DOCK4: variants seen among roughly 807,000 people sequenced by gnomAD.
DOCK4 encodes dedicator of cytokinesis 4, also known as dedicator of cytokinesis protein 4.
In DOCK4, 97 loss-of-function variants were observed where a neutral mutation model predicts 268.1. The observed-to-expected ratio is 0.36, with a 90% CI of 0.31 to 0.43. The LOEUF is 0.43. DOCK4 is among the 20% of genes least tolerant of loss of function. DOCK4 has a pLI of 1.00. For synonymous variants in DOCK4, 954 were observed against 887.2 expected, an observed-to-expected ratio of 1.08 and a Z score of -1.34; for missense variants, 2,145 against 2,455.7, an observed-to-expected ratio of 0.87 and a Z score of 2.67.
chr7:112,002,442 A>G (rs1800503501), intron 2 of DOCK4, among the ~76,000 whole-genome samples: 1 of 152,208 alleles, frequency 6.6e-6, no homozygotes, highest in Non-Finnish European at 1.5e-5. Context: ...AATAAATTTT[A>G]TATTTATCTG....
chr7:111,791,756 A>G (rs936994587), intron 30 of DOCK4, among the ~76,000 whole-genome samples: 2 of 151,838 alleles, frequency 1.3e-5, no homozygotes, highest in Admixed American at 1.3e-4. Context: ...CCTGTTTTTT[A>G]AAAAATAGAG....
At chr7:111,843,778 C>T (rs1316330794) in intron 25 of DOCK4, among the ~76,000 whole-genome samples, 1 of 152,072 alleles carries the variant, frequency 6.6e-6, no homozygotes. Flanking sequence ...ATATTAGACT[C>T]AAAATGCTTC....
rs781144384 is a variant in DOCK4, at chr7:111,760,269, T to C, written c.4074A>G (p.Gln1358=). 8.1e-6 allele frequency: 13 copies of C among 1,613,860 alleles called. No homozygotes were observed. The Admixed American group carries it at 1.5e-4, about 19-fold the overall frequency. ...GHDYERLEAF[Q]QRMLNEFPHA... The stretch of plus-strand genomic sequence containing the variant: ...GGGGGAACTCGTTCAGCATTCTCTG[T>C]TGGAAGGCTTCCAGCCTCTCGTAGT... Residue 1358 remains glutamine (Q), a synonymous_variant, in exon 40 of 53, where the codon CAA becomes CAG. Coordinates refer to ENST00000428084, the MANE Select transcript of DOCK4 (RefSeq NM_001363540.2).
chr7:111,898,289 T>C (rs952183964), intron 15 of DOCK4, among the ~76,000 whole-genome samples: 14 of 152,228 alleles, frequency 9.2e-5, no homozygotes, highest in African/African-American at 3.4e-4. Flanking sequence ...GGAATCTTCT[T>C]TCCCCAGACA....
intron 1 of DOCK4, among the ~76,000 whole-genome samples, chr7:112,029,897 T>C (rs1803128724): frequency 6.6e-6 from 1 of 152,312 alleles, no homozygotes; most frequent in East Asian, 1.9e-4. Context: ...TTCATGACAA[T>C]TAAATAGCTA....
intron 52 of DOCK4, among the ~76,000 whole-genome samples, chr7:111,728,974 C>T (rs3779458): frequency 0.053 from 8,067 of 152,208 alleles, 284 homozygotes; most frequent in African/African-American, 0.091. Flanking sequence ...ACACACAGAC[C>T]TTGCAGGAAG....
At chr7:111,832,752 T>G (rs1449560045) in intron 26 of DOCK4, among the ~76,000 whole-genome samples, 1 of 152,206 alleles carries the variant, frequency 6.6e-6, no homozygotes, top group African/African-American at 2.4e-5. Flanking sequence ...GGCCTTGATC[T>G]CAGGTGATCC....
At chr7:111,974,376 G>C (rs910280617) in intron 8 of DOCK4, among the ~76,000 whole-genome samples, 1 of 152,012 alleles carries the variant, frequency 6.6e-6, no homozygotes, top group Non-Finnish European at 1.5e-5. Flanking sequence ...TATGGTGATT[G>C]TGAGTTTGAG....
intron 23 of DOCK4, among the ~76,000 whole-genome samples, chr7:111,859,956 T>A (rs908157515): frequency 1.3e-5 from 2 of 152,188 alleles, no homozygotes; most frequent in Non-Finnish European, 2.9e-5. Flanking sequence ...CCTCTTTTAT[T>A]ATAGATCTTT....
chr7:111,762,747 A>ATTTTT (rs1554584596), intron 39 of DOCK4, among the ~76,000 whole-genome samples: 1 of 78,784 alleles, frequency 1.3e-5, no homozygotes, highest in Non-Finnish European at 2.7e-5. Context: ...TAAATAACCC[A>ATTTTT]TTTTGTTTTG....
At chr7:111,808,001 A>G (rs1800808087) in intron 30 of DOCK4, 1 of 152,166 alleles carries the variant, frequency 6.6e-6, no homozygotes, top group Non-Finnish European at 1.5e-5. Flanking sequence ...CAGAAAATAA[A>G]TCCTTCCAAT....
At position 111,809,311 on chromosome 7, in the gene DOCK4, C is replaced by T; in HGVS notation, c.3097G>A (p.Val1033Met). ...EMFTPSKKKK[V>M]LEKYGDMRVT... is the part of the protein sequence containing the mutation. ...TACACTGATACTTACTTTTCTAACA[C>T]CTTTTTCTTCTTGGAAGGTGTGAAC... The change falls in exon 29 of 53, where the codon GTG (valine) becomes ATG (methionine). Residue 1033 changes from valine (V) to methionine (M), a missense_variant. This residue lies in a region of DOCK4 where 1,598 missense variants were observed against 1,986.7 expected (regional missense o/e 0.80). Transcript: ENST00000428084. 9 of 1,557,352 alleles carry T rather than the reference C, an allele frequency of 5.8e-6. No homozygotes were observed. Among genetic ancestry groups the T allele is most frequent in the Non-Finnish European group, 7.8e-6 (9 of 1,149,062 alleles).
At chr7:111,867,903 C>A in intron 22 of DOCK4, 81 bp downstream of exon 22, 2 of 1,273,690 alleles carry the variant, frequency 1.6e-6, no homozygotes, top group Non-Finnish European at 2.0e-6. Flanking sequence ...ATGGAGAAAA[C>A]ATTTGATTAC....
rs1806955646 is a variant in DOCK4, at chr7:111,877,098, G to A, written c.1676C>T (p.Ala559Val). ...KGIFLGNNNQ[A>V]MKATKESFCI... ...AAAGGACTCCTTTGTGGCCTTCATG[G>A]CTTGATTATTATTCCCAAGGAAAAT... The change falls in exon 17 of 53, where the codon GCC becomes GTC. Residue 559 changes from alanine (A) to valine (V), a missense_variant. Ala to Val is a moderately conservative substitution (Grantham distance 64). This residue lies in a region of DOCK4 where 1,598 missense variants were observed against 1,986.7 expected (regional missense o/e 0.80). Transcript: ENST00000428084. The A allele has an allele frequency of 6.3e-7, 1 of 1,592,986 alleles. No homozygotes were observed. The highest frequency in any genetic ancestry group is 8.5e-7 in the Non-Finnish European group (1 of 1,170,546).
intron 1 of DOCK4, among the ~76,000 whole-genome samples, chr7:112,137,881 T>A (rs745418964): frequency 6.6e-6 from 1 of 152,192 alleles, no homozygotes; most frequent in Non-Finnish European, 1.5e-5. Context: ...AATACTTGCT[T>A]CATAGGCTTT....
intron 1 of DOCK4, among the ~76,000 whole-genome samples, chr7:112,122,806 A>G (rs1812862791): frequency 6.6e-6 from 1 of 152,152 alleles, no homozygotes; most frequent in Non-Finnish European, 1.5e-5. Context: ...AAGTTGAAAC[A>G]TTGTTTTTAT....
intron 24 of DOCK4, among the ~76,000 whole-genome samples, chr7:111,845,695 C>T (rs1381041758): frequency 1.3e-5 from 2 of 152,138 alleles, no homozygotes; most frequent in East Asian, 3.9e-4. Flanking sequence ...TTTTCTTACA[C>T]TTGCAAGAAA....
intron 1 of DOCK4, among the ~76,000 whole-genome samples, chr7:112,117,324 T>G (rs1368744263): frequency 6.6e-6 from 1 of 152,182 alleles, no homozygotes; most frequent in Non-Finnish European, 1.5e-5. Flanking sequence ...TGAACATGTG[T>G]ACAACCATGC....
At chr7:112,060,993 A>T (rs1041523316) in intron 1 of DOCK4, among the ~76,000 whole-genome samples, 2 of 152,232 alleles carry the variant, frequency 1.3e-5, no homozygotes, top group African/African-American at 4.8e-5. Flanking sequence ...ACAGTAAAAA[A>T]TTAGAAAAAG....
Sources: allele counts gnomAD v4.1 joint callset (sites outside exome capture counted in the v4.1 genomes callset), GRCh38; gene constraint gnomAD v4.1.1; regional missense constraint gnomAD v4.1.1; transcripts MANE v1.5; gene names NCBI Gene and HGNC (gene_info 2026-07-23, HGNC 2026-07-21).